Variants in STX3 observed in about 807,000 individuals in gnomAD.
STX3 encodes the protein syntaxin-3.
A neutral mutation model predicts 40.2 loss-of-function variants in STX3; 19 were observed. That is an observed-to-expected ratio of 0.47 (90% CI 0.33 to 0.69). STX3 has a LOEUF of 0.69. Among genes scored for constraint, STX3 ranks in the 30% least tolerant of loss-of-function variants. The pLI is 0.02. For synonymous variants in STX3, 122 were observed against 132.2 expected, an observed-to-expected ratio of 0.92 and a Z score of 0.53; for missense variants, 364 against 366.7, an observed-to-expected ratio of 0.99 and a Z score of 0.06.
intron 9 of STX3, among the ~76,000 whole-genome samples, chr11:59,796,986 C>G (rs973034746): frequency 6.6e-6 from 1 of 152,166 alleles, no homozygotes; most frequent in Non-Finnish European, 1.5e-5. Flanking sequence ...TGGTGCATGC[C>G]TGTAGTCCTA....
At chr11:59,773,922 A>G (rs1863800021) in intron 2 of STX3, among the ~76,000 whole-genome samples, 1 of 149,938 alleles carries the variant, frequency 6.7e-6, no homozygotes, top group Non-Finnish European at 1.5e-5. Context: ...GTGAGCCGAG[A>G]TCGCACCACT....
intron 2 of STX3, chr11:59,781,652 C>T (rs1864389893): frequency 6.2e-7 from 1 of 1,611,322 alleles, no homozygotes; most frequent in Admixed American, 1.7e-5. Context: ...CTAGCTCCTT[C>T]ATGTATTCAT....
At chr11:59,795,603 G>C in intron 9 of STX3, 121 bp downstream of exon 9, 2 of 1,542,458 alleles carry the variant, frequency 1.3e-6, no homozygotes, top group East Asian at 2.4e-5. Context: ...TGGGGAAAGG[G>C]ATCCATGATT....
chr11:59,792,139 G>A lies in STX3; in HGVS notation c.390G>A (p.Val130=), dbSNP rs202134972. The part of the protein sequence containing the change: ...HSVLSRKFVE[V]MTKYNEAQVD... The stretch of plus-strand genomic sequence containing the variant: ...TCCTTTCTCGGAAGTTTGTGGAGGT[G>A]ATGACCAAATACAATGAAGCTCAAG... The change falls in exon 6 of 11, where the codon GTG becomes GTA. Residue 130 remains valine, a synonymous_variant. Coordinates refer to ENST00000337979, the MANE Select transcript of STX3 (RefSeq NM_004177.5). The A allele has an allele frequency of 1.2e-5, 19 of 1,614,100 alleles. No homozygotes were observed. The highest frequency in any genetic ancestry group is 1.4e-5 in the Non-Finnish European group (17 of 1,180,026).
intron 1 of STX3, among the ~76,000 whole-genome samples, chr11:59,757,962 T>C (rs192675915): frequency 7.9e-5 from 12 of 152,324 alleles, no homozygotes; most frequent in Admixed American, 2.6e-4. Flanking sequence ...CTGATTTCCG[T>C]TATCAATTAG....
chr11:59,777,303 T>C (rs1590784056), intron 2 of STX3, among the ~76,000 whole-genome samples: 3 of 152,216 alleles, frequency 2.0e-5, no homozygotes, highest in Non-Finnish European at 4.4e-5. Flanking sequence ...TCTTAGGGAC[T>C]GGAATGGCTC....
rs1866007224 is a variant in STX3, at chr11:59,804,531, G to A, written c.*3707G>A. On this transcript the variant is annotated 3_prime_UTR_variant, in exon 11 of 11. Transcript: ENST00000337979. ...GTGGTTTGTTACTGTCAGAGGCTGT[G>A]TAAAGCCGCTTGGGAATGGGCTGAT... 1 of 152,220 alleles carries A rather than the reference G, an allele frequency of 6.6e-6. No homozygotes were observed. The highest frequency in any genetic ancestry group is 6.5e-5 in the Admixed American group (1 of 15,292). The allele number at this position is 152,220 out of a possible 1,614,324, so 9.4% of individuals were successfully genotyped here.
intron 9 of STX3, 120 bp downstream of exon 9, chr11:59,795,602 G>A: frequency 2.6e-6 from 4 of 1,542,494 alleles, no homozygotes; most frequent in Non-Finnish European, 3.5e-6. Flanking sequence ...CTGGGGAAAG[G>A]GATCCATGAT....
At chr11:59,765,668 G>T (rs1407362431) in intron 1 of STX3, among the ~76,000 whole-genome samples, 1 of 152,166 alleles carries the variant, frequency 6.6e-6, no homozygotes, top group East Asian at 1.9e-4. Flanking sequence ...GCTGGGTGTG[G>T]TGGTGTGCGC....
rs752855815 is a variant in STX3, at chr11:59,788,951, A to C, written c.289+4A>C. On this transcript the variant is annotated splice_donor_region_variant and intron_variant, in intron 4 of 10. Transcript: ENST00000337979. ...AACGTCCGGAACAAACTGAAGAGTA[A>C]GAAGGGAACAAAGAAAACAAGGCCG... 1 of 1,606,722 alleles carries C rather than the reference A, an allele frequency of 6.2e-7. No individual in the cohort carries two copies. Among genetic ancestry groups the C allele is most frequent in the Non-Finnish European group, 8.5e-7 (1 of 1,176,162 alleles).
In STX3 at chr11:59,797,272, C is replaced by T. The variant is rs772210133; in HGVS notation, c.787-11C>T. Reference sequence around the variant, plus strand: ...AATAATGATTTGTTTTTGTCTTATTCCTCTCTCCAGAAATTGATAATTATC... The same window carrying T: ...AATAATGATTTGTTTTTGTCTTATTTCTCTCTCCAGAAATTGATAATTATC... On this transcript the variant is annotated splice_polypyrimidine_tract_variant and intron_variant, in intron 9 of 10. Transcript: ENST00000337979. The T allele has an allele frequency of 6.2e-7, 1 of 1,603,718 alleles. No individual in the cohort carries two copies. The highest frequency in any genetic ancestry group is 8.5e-7 in the Non-Finnish European group (1 of 1,171,282).
rs148420477 is a variant in STX3 at position 59,763,232 on chromosome 11, T to C, written c.30+7597T>C. On this transcript the variant is annotated intron_variant, in intron 1 of 10. Coordinates refer to ENST00000337979, the MANE Select transcript of STX3 (RefSeq NM_004177.5). ...CTCTGAGTTAATGAAGGAGTGAACATTGGATTAGACCACCCAGGTTTCTAA... is the reference window on the plus strand; with the variant it reads ...CTCTGAGTTAATGAAGGAGTGAACACTGGATTAGACCACCCAGGTTTCTAA... Among the ~76,000 whole-genome samples the C allele has an allele frequency of 3.9e-5, 6 of 152,296 alleles. No homozygotes were observed. In the East Asian group the frequency reaches 1.2e-3, roughly 29 times the overall value.
At chr11:59,790,631 T>C (rs772549438) in intron 5 of STX3, 45 bp downstream of exon 5, 11 of 1,449,396 alleles carry the variant, frequency 7.6e-6, no homozygotes, top group South Asian at 3.4e-5. Flanking sequence ...CAATCTCTTA[T>C]TGTTTTCCCT....
chr11:59,757,625 T>C (rs1862791690), intron 1 of STX3, among the ~76,000 whole-genome samples: 1 of 152,174 alleles, frequency 6.6e-6, no homozygotes, highest in Non-Finnish European at 1.5e-5. Context: ...GGTGGTATTA[T>C]GGGAGGATTG....
At chr11:59,772,975 ACAC>A (rs1310947826) in intron 1 of STX3, among the ~76,000 whole-genome samples, 2 of 35,996 alleles carry the variant, frequency 5.6e-5, no homozygotes, top group South Asian at 9.2e-4. Context: ...CCTGAAAGAA[ACAC>A]ACACACACAC....
At chr11:59,773,020 C>T (rs1183981904) in intron 1 of STX3, among the ~76,000 whole-genome samples, 191 bp from the exon 2 acceptor site, 1 of 149,908 alleles carries the variant, frequency 6.7e-6, no homozygotes, top group African/African-American at 2.5e-5. Flanking sequence ...CACAACCCAG[C>T]AATTGGTAGA....
In STX3 at chr11:59,801,184, A is replaced by C; in HGVS notation, c.*360A>C. The stretch of plus-strand genomic sequence containing the variant: ...TTGTGAGACTCTCCCAAGGTGCTGT[A>C]TTTTTCTACCTCATGGAGTATTCTC... On this transcript the variant is annotated 3_prime_UTR_variant, in exon 11 of 11. Transcript: ENST00000337979. 3 of 1,195,272 alleles carry C rather than the reference A, an allele frequency of 2.5e-6. No homozygotes were observed. The highest frequency in any genetic ancestry group is 3.1e-6 in the Non-Finnish European group (3 of 960,356). The allele number at this position is 1,195,272 out of a possible 1,614,324, so 74.0% of individuals were successfully genotyped here. A position where few individuals can be genotyped will look rare whatever the true frequency, so the allele number is the denominator to read the frequency against.
intron 1 of STX3, among the ~76,000 whole-genome samples, chr11:59,763,072 T>C (rs942374545): frequency 6.6e-6 from 1 of 152,222 alleles, no homozygotes; most frequent in East Asian, 1.9e-4. Context: ...TGTGGTATTG[T>C]ATCGCATGGA....
In STX3 at chr11:59,793,466, G is replaced by A. The variant is rs773673215; in HGVS notation, c.627G>A (p.Lys209=). 14 of 1,614,090 alleles carry A rather than the reference G, an allele frequency of 8.7e-6. No individual in the cohort carries two copies. Among genetic ancestry groups the A allele is most frequent in the Non-Finnish European group, 1.2e-5 (14 of 1,180,042 alleles). ...KDIVRLESSI[K]ELHDMFMDIA... is the part of the protein sequence containing the mutation. Reference sequence around the variant, plus strand: ...TTGTGAGGCTGGAGAGCAGCATCAAGGAGCTTCACGACATGTTTATGGACA... The same window carrying A: ...TTGTGAGGCTGGAGAGCAGCATCAAAGAGCTTCACGACATGTTTATGGACA... The change falls in exon 8 of 11, where the codon AAG becomes AAA. Residue 209 remains lysine (K), a synonymous_variant. Transcript: ENST00000337979.
Sources: allele counts gnomAD v4.1 joint callset (sites outside exome capture counted in the v4.1 genomes callset), GRCh38; gene constraint gnomAD v4.1.1; transcripts MANE v1.5; gene names NCBI Gene and HGNC (gene_info 2026-07-23, HGNC 2026-07-21).